MCTP1: variants seen among roughly 807,000 people sequenced by gnomAD.
The protein encoded by MCTP1 is multiple C2 and transmembrane domain-containing protein 1.
MCTP1 carries 69 observed loss-of-function variants against 120.6 expected under a neutral mutation model. That is an observed-to-expected ratio of 0.57 (90% CI 0.47 to 0.70). MCTP1 has a LOEUF of 0.70. Ranked by LOEUF, MCTP1 falls within the 30% of genes least tolerant of loss-of-function variation. The pLI is 0.00. For synonymous variants in MCTP1, 529 were observed against 493.1 expected (o/e 1.07, Z -0.96); for missense variants, 1,203 against 1,248.8 (o/e 0.96, Z 0.55).
At chr5:94,998,161 G>T (rs1832968340) in intron 2 of MCTP1, among the ~76,000 whole-genome samples, 1 of 152,036 alleles carries the variant, frequency 6.6e-6, no homozygotes, top group Non-Finnish European at 1.5e-5. Context: ...TGTTGACTTT[G>T]GATATTTTAT....
intron 1 of MCTP1, among the ~76,000 whole-genome samples, chr5:95,276,537 G>A (rs413508): frequency 6.6e-6 from 1 of 151,142 alleles, no homozygotes; most frequent in Non-Finnish European, 1.5e-5. Context: ...GATTACAGGC[G>A]TGAGCCACTG....
At chr5:94,912,778 G>T (rs1809072422) in intron 9 of MCTP1, 28 bp downstream of exon 9, 2 of 1,490,362 alleles carry the variant, frequency 1.3e-6, no homozygotes, top group Admixed American at 2.3e-5. Flanking sequence ...TCCAAATATT[G>T]ACAGGAACAC....
intron 17 of MCTP1, among the ~76,000 whole-genome samples, chr5:94,832,773 C>T (rs189510947): frequency 2.6e-5 from 4 of 152,302 alleles, no homozygotes; most frequent in Non-Finnish European, 2.9e-5. Context: ...CCTTGTAGTG[C>T]AATTTTTGAC....
intron 10 of MCTP1, among the ~76,000 whole-genome samples, chr5:94,898,899 C>T (rs1804772393): frequency 6.6e-6 from 1 of 152,204 alleles, no homozygotes; most frequent in African/African-American, 2.4e-5. Context: ...TTTAAATTCT[C>T]AAACCCTCAA....
chr5:94,715,501 G>C (rs1158226031), intron 19 of MCTP1, among the ~76,000 whole-genome samples: 1 of 151,714 alleles, frequency 6.6e-6, no homozygotes, highest in South Asian at 2.1e-4. Context: ...TTATACGGTA[G>C]TATATGCTGT....
At chr5:94,862,797 G>A (rs1270123161) in intron 17 of MCTP1, among the ~76,000 whole-genome samples, 1 of 151,742 alleles carries the variant, frequency 6.6e-6, no homozygotes. Flanking sequence ...CTTCTCCGGA[G>A]TTGAGATAAA....
intron 6 of MCTP1, among the ~76,000 whole-genome samples, chr5:94,924,385 C>T (rs1052720736): frequency 3.9e-5 from 6 of 152,024 alleles, no homozygotes; most frequent in African/African-American, 1.4e-4. Context: ...ATTATGTTAA[C>T]CATTGAACTT....
intron 1 of MCTP1, among the ~76,000 whole-genome samples, chr5:95,234,170 G>C (rs1022071887): frequency 1.3e-5 from 2 of 152,232 alleles, no homozygotes; most frequent in African/African-American, 4.8e-5. Flanking sequence ...GGAGTTAAAG[G>C]GTGATTCAAT....
At chr5:95,159,873 T>G (rs1484281879) in intron 1 of MCTP1, among the ~76,000 whole-genome samples, 1 of 152,042 alleles carries the variant, frequency 6.6e-6, no homozygotes, top group African/African-American at 2.4e-5. Flanking sequence ...GAAGCTGAGT[T>G]TTAGCAGATA....
intron 1 of MCTP1, among the ~76,000 whole-genome samples, chr5:95,192,367 C>T (rs577632154): frequency 1.3e-5 from 2 of 152,034 alleles, no homozygotes; most frequent in African/African-American, 4.8e-5. Flanking sequence ...CCATTTTTCC[C>T]CTGGCTGCCA....
At chr5:94,941,849 A>ATCT (rs1561895188) in intron 4 of MCTP1, among the ~76,000 whole-genome samples, 1 of 151,742 alleles carries the variant, frequency 6.6e-6, no homozygotes, top group South Asian at 2.1e-4. Context: ...AAATACAACC[A>ATCT]ACCTGCCTCC....
chr5:95,163,297 T>A (rs934471793), intron 1 of MCTP1, among the ~76,000 whole-genome samples: 3 of 152,190 alleles, frequency 2.0e-5, no homozygotes, highest in Admixed American at 6.5e-5. Flanking sequence ...GACAGATATA[T>A]ACTGTGACCT....
At chr5:94,886,592 C>A (rs1289272216) in intron 12 of MCTP1, among the ~76,000 whole-genome samples, 1 of 152,164 alleles carries the variant, frequency 6.6e-6, no homozygotes, top group Non-Finnish European at 1.5e-5. Context: ...AGAAAATATT[C>A]TTGCCTTAGC....
At chr5:94,781,512 C>G (rs1776577142) in intron 18 of MCTP1, among the ~76,000 whole-genome samples, 2 of 152,124 alleles carry the variant, frequency 1.3e-5, no homozygotes, top group Admixed American at 6.6e-5. Flanking sequence ...ATCAATGATG[C>G]AGATTTATAA....
At chr5:94,824,308 G>T (rs999809332) in intron 17 of MCTP1, among the ~76,000 whole-genome samples, 1 of 152,142 alleles carries the variant, frequency 6.6e-6, no homozygotes, top group African/African-American at 2.4e-5. Context: ...TAATCATGTG[G>T]TTTTTGTCAT....
intron 1 of MCTP1, among the ~76,000 whole-genome samples, chr5:95,071,601 C>T (rs1025967076): frequency 6.6e-6 from 1 of 152,118 alleles, no homozygotes; most frequent in Non-Finnish European, 1.5e-5. Context: ...AACATTGTGT[C>T]CATTTCTCCT....
Position 94,939,473 on chromosome 5 carries a change from T to C in MCTP1, c.1173+611A>G, listed in dbSNP as rs116403127. On this transcript the variant is annotated intron_variant, in intron 5 of 22. Coordinates refer to ENST00000515393, the MANE Select transcript of MCTP1 (RefSeq NM_024717.7). ...TACTGATGTGGGTCAAGACTGATAT[T>C]TTTTAATGCCACTTCAACTGTGGGG... 6.9e-3 allele frequency among the ~76,000 whole-genome samples: 1,043 copies of C among 152,120 alleles called. 4 individuals are homozygous for C. The highest frequency in any genetic ancestry group is 0.014 in the Middle Eastern group (4 of 294).
At chr5:94,748,837 C>G (rs1470435979) in intron 19 of MCTP1, among the ~76,000 whole-genome samples, 2 of 152,118 alleles carry the variant, frequency 1.3e-5, no homozygotes, top group African/African-American at 4.8e-5. Context: ...CAAATTGAAC[C>G]TCATATATTT....
Position 94,707,402 on chromosome 5 carries a change from TAAAAAGCAGAAAGAAAG to T in MCTP1, c.*77_*93del. On this transcript the variant is annotated 3_prime_UTR_variant, in exon 23 of 23. Transcript: ENST00000515393. Reference sequence around the variant, plus strand: ...GATCATGATAAAAAGGCAAAATAAATAAAAAGCAGAAAGAAAGGAAATGCTGCTGAGGCTGAGGGCTT... The same window carrying T: ...GATCATGATAAAAAGGCAAAATAAATGAAATGCTGCTGAGGCTGAGGGCTT... The T allele has an allele frequency of 1.0e-6, 1 of 963,100 alleles. No individual in the cohort carries two copies. Among genetic ancestry groups the T allele is most frequent in the Non-Finnish European group, 1.6e-6 (1 of 623,898 alleles). The allele number at this position is 963,100 out of a possible 1,614,324, so 59.7% of individuals were successfully genotyped here.
Sources: allele counts gnomAD v4.1 joint callset (sites outside exome capture counted in the v4.1 genomes callset), GRCh38; gene constraint gnomAD v4.1.1; transcripts MANE v1.5; gene names NCBI Gene and HGNC (gene_info 2026-07-23, HGNC 2026-07-21).